BTLA: variants seen among roughly 807,000 people sequenced by gnomAD.
BTLA encodes B and T lymphocyte associated, also known as B- and T-lymphocyte attenuator.
BTLA carries 11 observed loss-of-function variants against 25.0 expected under a neutral mutation model. That is an observed-to-expected ratio of 0.44 (90% CI 0.28 to 0.73). The LOEUF is 0.73. Among genes scored for constraint, BTLA ranks in the 30% least tolerant of loss-of-function variants. BTLA has a pLI of 0.15. For missense variants in BTLA, 282 were observed against 332.8 expected (o/e 0.85, Z 1.19); for synonymous variants, 104 against 119.8 (o/e 0.87, Z 0.86).
At chr3:112,468,713 T>C (rs928780064) in intron 4 of BTLA, among the ~76,000 whole-genome samples, 10 of 152,174 alleles carry the variant, frequency 6.6e-5, no homozygotes, top group African/African-American at 2.4e-4. Flanking sequence ...GTGAAATTTT[T>C]ATTATTATTT....
intron 1 of BTLA, among the ~76,000 whole-genome samples, chr3:112,491,323 TA>T (rs1412123353): frequency 6.6e-6 from 1 of 152,134 alleles, no homozygotes; most frequent in Non-Finnish European, 1.5e-5. Context: ...AGACCCAACC[TA>T]GATCCATCTT....
intron 1 of BTLA, among the ~76,000 whole-genome samples, chr3:112,488,716 C>T (rs1443097359): frequency 6.6e-6 from 1 of 152,208 alleles, no homozygotes; most frequent in Non-Finnish European, 1.5e-5. Context: ...CGGGTTCAAG[C>T]AATTCTGCTG....
In BTLA at chr3:112,471,195, G is replaced by A. The variant is rs1256800191; in HGVS notation, c.547+17C>T. On this transcript the variant is annotated intron_variant, in intron 3 of 4. Transcript: ENST00000334529. ...CCAAATGTGTGGTACTGGGGGCAGA[G>A]GGAAAATAGAACCCACCTTGGTGCC... 1.2e-6 allele frequency: 2 copies of A among 1,612,982 alleles called. No individual in the cohort carries two copies. The highest frequency in any genetic ancestry group is 3.3e-5 in the Admixed American group (2 of 59,918).
chr3:112,477,115 AT>A (rs375182430), intron 2 of BTLA, among the ~76,000 whole-genome samples: 9 of 152,194 alleles, frequency 5.9e-5, no homozygotes, highest in Admixed American at 2.0e-4. Context: ...CCTTTTGGCT[AT>A]TGTGAATAGT....
chr3:112,474,446 A>G (rs1483615845), intron 2 of BTLA, among the ~76,000 whole-genome samples: 1 of 152,182 alleles, frequency 6.6e-6, no homozygotes, highest in Non-Finnish European at 1.5e-5. Context: ...AAATCCACAC[A>G]GAGTTTAAAT....
chr3:112,468,536 A>T (rs74384974), intron 4 of BTLA, among the ~76,000 whole-genome samples: 2 of 152,318 alleles, frequency 1.3e-5, no homozygotes, highest in Admixed American at 6.5e-5. Flanking sequence ...AGACAATTGC[A>T]CATACAGAAA....
At chr3:112,472,629 GACTTCGGTGAA>G (rs1576678860) in intron 2 of BTLA, among the ~76,000 whole-genome samples, 1 of 152,150 alleles carries the variant, frequency 6.6e-6, no homozygotes, top group East Asian at 1.9e-4. Context: ...GGTAGGTGGA[GACTTCGGTGAA>G]CCGAGATGGT....
chr3:112,466,200 G>A lies in BTLA; in HGVS notation c.778C>T (p.Leu260=). The stretch of plus-strand genomic sequence containing the variant: ...TTCGGTCCAATGACAGAATGGTTCA[G>A]GGAAGCATAAACAATGCCTGGTTTG... ...ENKPGIVYAS[L]NHSVIGPNSR... Residue 260 remains leucine, a synonymous_variant, in exon 5 of 5, where the codon CTG becomes TTG. Coordinates refer to ENST00000334529, the MANE Select transcript of BTLA (RefSeq NM_181780.4). 1 of 1,613,936 alleles carries A rather than the reference G, an allele frequency of 6.2e-7. No homozygotes were observed. The highest frequency in any genetic ancestry group is 8.5e-7 in the Non-Finnish European group (1 of 1,179,918).
intron 1 of BTLA, among the ~76,000 whole-genome samples, chr3:112,483,187 T>C (rs1174566665): frequency 6.9e-6 from 1 of 145,050 alleles, no homozygotes; most frequent in Non-Finnish European, 1.5e-5. Context: ...TCACTCTTGT[T>C]GCACAGGCTG....
chr3:112,469,633 A>ATAGTACATAGAATATGTATATAC (rs1559823237), intron 4 of BTLA, 125 bp downstream of exon 4: 1 of 52,690 alleles, frequency 1.9e-5, no homozygotes, highest in Non-Finnish European at 4.2e-5. Flanking sequence ...ATATATATAT[A>ATAGTACATAGAATATGTATATAC]TATATATATA....
chr3:112,470,483 A>C (rs2082256214), intron 3 of BTLA: 1 of 152,294 alleles, frequency 6.6e-6, no homozygotes, highest in Admixed American at 6.5e-5. Flanking sequence ...CAGGAATGTG[A>C]GAGGATGGAG....
chr3:112,499,516 T>C (rs1372087456), upstream of BTLA: 3 of 564,172 alleles, frequency 5.3e-6, no homozygotes, highest in Non-Finnish European at 9.3e-6. Flanking sequence ...GAGAGGAGAG[T>C]AGGAAGAGCC....
intron 2 of BTLA, among the ~76,000 whole-genome samples, chr3:112,472,355 T>TTGTTG (rs1559824126): frequency 6.6e-6 from 1 of 152,018 alleles, no homozygotes; most frequent in East Asian, 1.9e-4. Flanking sequence ...TGTTGTTGTT[T>TTGTTG]TTTTTAATTT....
intron 1 of BTLA, among the ~76,000 whole-genome samples, chr3:112,480,651 G>A (rs902064031): frequency 1.3e-5 from 2 of 152,132 alleles, no homozygotes; most frequent in African/African-American, 2.4e-5. Context: ...GCCTACTCCC[G>A]TGATAACGAA....
rs75915420 is a variant in BTLA, at chr3:112,484,574, T to G, written c.89-4805A>C. 8.3e-3 allele frequency among the ~76,000 whole-genome samples: 1,266 copies of G among 152,312 alleles called. 46 individuals carry two copies. Among genetic ancestry groups the G allele is most frequent in the East Asian group, 0.062 (320 of 5,182 alleles). ...GTGTGACTGAAACTACGAAACCACT[T>G]CTAGCCTGCAATTTCTATTCCTATC... On this transcript the variant is annotated intron_variant, in intron 1 of 4. Coordinates refer to ENST00000334529, the MANE Select transcript of BTLA (RefSeq NM_181780.4).
At chr3:112,474,376 G>C (rs1191780884) in intron 2 of BTLA, among the ~76,000 whole-genome samples, 19 of 151,666 alleles carry the variant, frequency 1.3e-4, no homozygotes, top group Admixed American at 1.2e-3. Flanking sequence ...GACCCTCCCT[G>C]TTATTTTTGT....
intron 1 of BTLA, among the ~76,000 whole-genome samples, chr3:112,497,483 T>C (rs1310446426): frequency 6.6e-6 from 1 of 152,190 alleles, no homozygotes; most frequent in East Asian, 1.9e-4. Context: ...TACCCCACCA[T>C]CAATGTGGTT....
intron 2 of BTLA, among the ~76,000 whole-genome samples, chr3:112,477,441 G>C (rs1460659516): frequency 2.0e-5 from 3 of 151,486 alleles, no homozygotes; most frequent in Non-Finnish European, 2.9e-5. Flanking sequence ...AGTAACTAAT[G>C]ACATTGAGCA....
intron 1 of BTLA, among the ~76,000 whole-genome samples, chr3:112,497,457 G>A (rs1452422219): frequency 6.6e-6 from 1 of 152,126 alleles, no homozygotes; most frequent in Non-Finnish European, 1.5e-5. Flanking sequence ...TTGCACATTG[G>A]GAGAAATAAA....
Sources: gnomAD v4.1 joint callset for allele counts (sites outside exome capture counted in the v4.1 genomes callset) on GRCh38, gnomAD v4.1.1 for gene constraint, MANE v1.5 for transcripts, NCBI Gene and HGNC (gene_info 2026-07-23, HGNC 2026-07-21) for gene names.